The following OVCH1 variants were observed in gnomAD, a reference collection of about 807,000 sequenced individuals.
OVCH1 encodes the protein ovochymase-1.
OVCH1 carries 139 observed loss-of-function variants against 138.4 expected under a neutral mutation model. The observed-to-expected ratio is 1.00, with a 90% CI of 0.87 to 1.16. The LOEUF is 1.16. Among genes scored for constraint, OVCH1 ranks in the 50% most tolerant of loss-of-function variants. The pLI is 0.00. For synonymous variants in OVCH1, 453 were observed against 467.8 expected, an observed-to-expected ratio of 0.97 and a Z score of 0.41; for missense variants, 1,367 against 1,357.9, an observed-to-expected ratio of 1.01 and a Z score of -0.11.
intron 16 of OVCH1, among the ~76,000 whole-genome samples, chr12:29,465,719 G>C (rs1229023266): frequency 6.6e-6 from 1 of 152,102 alleles, no homozygotes; most frequent in Non-Finnish European, 1.5e-5. Flanking sequence ...TGACCATAAA[G>C]TATCATTGGA....
At chr12:29,474,088 C>A (rs899593388) in intron 14 of OVCH1, among the ~76,000 whole-genome samples, 1 of 150,114 alleles carries the variant, frequency 6.7e-6, no homozygotes, top group Non-Finnish European at 1.5e-5. Context: ...CACACACACA[C>A]ACACACACAC....
rs576276643 is a variant in OVCH1 at position 29,477,960 on chromosome 12, C to T, written c.1070-382G>A. 7.5e-4 allele frequency among the ~76,000 whole-genome samples: 114 copies of T among 152,240 alleles called. 1 individual carries two copies. Among genetic ancestry groups the T allele is most frequent in the Non-Finnish European group, 1.2e-3 (85 of 68,016 alleles). ...GAAAGAATAATTACTGTGTAAATAGCAGGCCTGAGCATGAAATAATTTAGA... is the reference window on the plus strand; with the variant it reads ...GAAAGAATAATTACTGTGTAAATAGTAGGCCTGAGCATGAAATAATTTAGA... On this transcript the variant is annotated intron_variant, in intron 9 of 27. Transcript: ENST00000318184.
chr12:29,427,813 A>C (rs76987786), intron 27 of OVCH1, among the ~76,000 whole-genome samples: 4,124 of 152,254 alleles, frequency 0.027, 172 homozygotes, highest in African/African-American at 0.09. Flanking sequence ...GGTTCATTGA[A>C]GTAAAATTGT....
intron 25 of OVCH1, 80 bp downstream of exon 25, chr12:29,443,281 A>G: frequency 7.0e-7 from 1 of 1,426,158 alleles, no homozygotes. Context: ...CATGTAAGCC[A>G]CATACTGAAT....
chr12:29,468,665 T>C (rs1400069684), intron 16 of OVCH1, among the ~76,000 whole-genome samples: 1 of 152,216 alleles, frequency 6.6e-6, no homozygotes. Flanking sequence ...GATAGAATTC[T>C]TATAAAAATA....
At chr12:29,430,549 T>C (rs1175018633) in intron 27 of OVCH1, among the ~76,000 whole-genome samples, 3 of 152,172 alleles carry the variant, frequency 2.0e-5, no homozygotes, top group Admixed American at 6.5e-5. Flanking sequence ...AGGAGGATTA[T>C]GACTGTCTCT....
At chr12:29,495,578 G>T in intron 3 of OVCH1, 121 bp from the exon 4 acceptor site, 15 of 883,862 alleles carry the variant, frequency 1.7e-5, no homozygotes, top group South Asian at 1.3e-4. Context: ...CTTTGAAGAA[G>T]GTTTTCCTTA....
intron 6 of OVCH1, 26 bp downstream of exon 6, chr12:29,489,594 A>T (rs754143303): frequency 6.3e-7 from 1 of 1,585,232 alleles, no homozygotes. Context: ...GTTACTGAAC[A>T]GCTAGGCTGG....
chr12:29,487,188 G>GC, intron 7 of OVCH1: 1 of 200,306 alleles, frequency 5.0e-6, no homozygotes, highest in Non-Finnish European at 1.0e-5. Flanking sequence ...GTTCTCTCAG[G>GC]CTTCTTTCAT....
In OVCH1 at chr12:29,486,232, A is replaced by G; in HGVS notation, c.995+14T>C. On this transcript the variant is annotated intron_variant, in intron 8 of 27. Transcript: ENST00000318184. Reference sequence around the variant, plus strand: ...TTTCTTCAAGTCAGCTTCCTTCTCTAATTAGAACCACACATACCCTTTCCT... The same window carrying G: ...TTTCTTCAAGTCAGCTTCCTTCTCTGATTAGAACCACACATACCCTTTCCT... 6.3e-7 allele frequency: 1 copy of G among 1,595,798 alleles called. No homozygotes were observed. The highest frequency in any genetic ancestry group is 8.6e-7 in the Non-Finnish European group (1 of 1,163,804).
chr12:29,421,640 C>A (rs544109197), intron 3 of OVCH1, among the ~76,000 whole-genome samples: 5 of 152,154 alleles, frequency 3.3e-5, no homozygotes, highest in Admixed American at 6.5e-5. Context: ...TTACACTACA[C>A]GTATTCAAAA....
In OVCH1 at chr12:29,444,404, T is replaced by C. The variant is rs183401836; in HGVS notation, c.2882-124A>G. The C allele has an allele frequency of 5.6e-5, 60 of 1,071,772 alleles. No homozygotes were observed. The African/African-American group carries it at 9.4e-4, about 17-fold the overall frequency. 66.4% of individuals were successfully genotyped at this position (1,071,772 alleles called of 1,614,324 possible). On this transcript the variant is annotated intron_variant, in intron 23 of 27. Transcript: ENST00000318184. Reference sequence around the variant, plus strand: ...TTGTCCTGGGAAAACAAGTAATTATTAGGAGGTGGTTGGTTTCACTGAAAA... The same window carrying C: ...TTGTCCTGGGAAAACAAGTAATTATCAGGAGGTGGTTGGTTTCACTGAAAA...
chr12:29,487,729 C>T, exon 7 of OVCH1: 2 of 1,603,432 alleles, frequency 1.2e-6, no homozygotes, highest in African/African-American at 1.3e-5. Context: ...TCCATCAACT[C>T]AGACACTTTG....
chr12:29,485,945 AAAAT>A (rs1219160604), intron 8 of OVCH1, among the ~76,000 whole-genome samples: 22 of 125,980 alleles, frequency 1.7e-4, no homozygotes, highest in African/African-American at 5.9e-4. Context: ...ACTCCATCTC[AAAAT>A]AAATAAAATA....
intron 7 of OVCH1, 49 bp from the exon 8 acceptor site, chr12:29,486,397 A>T (rs774483716): frequency 1.4e-6 from 2 of 1,381,022 alleles, no homozygotes; most frequent in Non-Finnish European, 2.0e-6. Flanking sequence ...TAATCATTTA[A>T]ATAAAACATT....
chr12:29,434,114 C>A (rs948060287), intron 26 of OVCH1, among the ~76,000 whole-genome samples: 1 of 152,020 alleles, frequency 6.6e-6, no homozygotes, highest in Admixed American at 6.6e-5. Flanking sequence ...ACGGACAAAG[C>A]GTATCTTTCA....
At chr12:29,405,033 A>AAAC in the OVCH1 span, among the ~76,000 whole-genome samples, 1 of 145,830 alleles carries the variant, frequency 6.9e-6, no homozygotes, top group African/African-American at 2.6e-5. Context: ...AAAAAAAAAA[A>AAAC]AAAAAAAAAA....
intron 3 of OVCH1, among the ~76,000 whole-genome samples, chr12:29,415,971 A>G (rs1941025765): frequency 6.6e-6 from 1 of 152,146 alleles, no homozygotes; most frequent in South Asian, 2.1e-4. Context: ...AAAAGATCCC[A>G]GAAATAAACC....
chr12:29,467,706 C>T (rs1345006602), intron 16 of OVCH1, among the ~76,000 whole-genome samples: 1 of 152,120 alleles, frequency 6.6e-6, no homozygotes, highest in Non-Finnish European at 1.5e-5. Context: ...AGATAAAAGT[C>T]CCAATGAGCA....
Sources: allele counts gnomAD v4.1 joint callset (sites outside exome capture counted in the v4.1 genomes callset), GRCh38; gene constraint gnomAD v4.1.1; transcripts MANE v1.5; gene names NCBI Gene and HGNC (gene_info 2026-07-23, HGNC 2026-07-21).